The following UGT1A6 variants were observed in gnomAD, a reference collection of about 807,000 sequenced individuals.
The protein encoded by UGT1A6 is UDP glucuronosyltransferase family 1 member A6.
In UGT1A6, 32 loss-of-function variants were observed where a neutral mutation model predicts 44.4. That is an observed-to-expected ratio of 0.72 (90% CI 0.54 to 0.97). The LOEUF is 0.97. UGT1A6 is among the 50% of genes least tolerant of loss of function. The probability of loss-of-function intolerance (pLI) is 0.00; values close to 1 mark genes in which losing one functional copy is unlikely to be tolerated. For missense variants in UGT1A6, 685 were observed against 661.9 expected (o/e 1.03, Z -0.38); for synonymous variants, 238 against 248.5 (o/e 0.96, Z 0.40).
intron 1 of UGT1A6, among the ~76,000 whole-genome samples, chr2:233,695,529 T>C (rs774353867): frequency 6.6e-6 from 1 of 152,094 alleles, no homozygotes; most frequent in Non-Finnish European, 1.5e-5. Context: ...ATTTCTTTTT[T>C]CTTTTTCTTT....
Position 233,768,423 on chromosome 2 carries a change from G to C in UGT1A6, c.1285G>C (p.Val429Leu). ...SEDLENALKAVINDKSYKENI... is the reference protein window; with the variant it reads ...SEDLENALKALINDKSYKENI... ...AGATTTAGAAAATGCTCTAAAAGCAGTCATCAATGACAAAAGGTAAGAAAG... is the reference window on the plus strand; with the variant it reads ...AGATTTAGAAAATGCTCTAAAAGCACTCATCAATGACAAAAGGTAAGAAAG... The change falls in exon 4 of 5, where the codon GTC becomes CTC. Residue 429 changes from valine to leucine, a missense_variant. By Grantham distance (32) the Val-to-Leu change is conservative. Coordinates refer to ENST00000305139, the MANE Select transcript of UGT1A6 (RefSeq NM_001072.4). 6.2e-7 allele frequency: 1 copy of C among 1,614,098 alleles called. No individual in the cohort carries two copies. Among genetic ancestry groups the C allele is most frequent in the South Asian group, 1.1e-5 (1 of 91,060 alleles).
chr2:233,712,902 G>C (rs1351189678), intron 1 of UGT1A6: 2 of 1,609,384 alleles, frequency 1.2e-6, no homozygotes, highest in East Asian at 2.2e-5. Context: ...TTTGCTAGGT[G>C]TCTCAGTGAC....
intron 2 of UGT1A6, 34 bp downstream of exon 2, chr2:233,767,199 T>C (rs2126030914): frequency 1.9e-6 from 3 of 1,613,616 alleles, no homozygotes; most frequent in East Asian, 4.5e-5. Flanking sequence ...CTCATATCTA[T>C]TTTCACAGGA....
chr2:233,716,312 G>A (rs1303311282), intron 1 of UGT1A6, among the ~76,000 whole-genome samples: 1 of 152,118 alleles, frequency 6.6e-6, no homozygotes, highest in African/African-American at 2.4e-5. Flanking sequence ...TCTTCCACCT[G>A]TAATGGAATA....
intron 1 of UGT1A6, among the ~76,000 whole-genome samples, chr2:233,765,526 T>G (rs1002018733): frequency 1.3e-5 from 2 of 151,960 alleles, no homozygotes; most frequent in East Asian, 3.9e-4. Flanking sequence ...AAACACCGCA[T>G]GTTCTCACTC....
intron 1 of UGT1A6, chr2:233,718,892 C>T (rs775726544): frequency 6.2e-7 from 1 of 1,614,020 alleles, no homozygotes; most frequent in South Asian, 1.1e-5. Flanking sequence ...GTGTCCAGCC[C>T]TGGGCTGAGA....
rs559233241 is a variant in UGT1A6 at position 233,729,998 on chromosome 2, G to A, written c.861+36133G>A. 3 of 1,613,920 alleles carry A rather than the reference G, an allele frequency of 1.9e-6. No individual in the cohort carries two copies. In the East Asian group the frequency reaches 6.7e-5, roughly 36 times the overall value. On this transcript the variant is annotated intron_variant, in intron 1 of 4. Coordinates refer to ENST00000305139, the MANE Select transcript of UGT1A6 (RefSeq NM_001072.4). Reference sequence around the variant, plus strand: ...AACAGGAAGCCACTATCTCAGGTCTGTATTGGTGCCTTCATCCAATCAATG... The same window carrying A: ...AACAGGAAGCCACTATCTCAGGTCTATATTGGTGCCTTCATCCAATCAATG...
At chr2:233,747,339 C>CA (rs1401880990) in intron 1 of UGT1A6, 116 of 1,603,228 alleles carry the variant, frequency 7.2e-5, no homozygotes, top group South Asian at 2.9e-4. Context: ...GCCACTGGCT[C>CA]GCATGCGGGA....
chr2:233,713,651 G>A (rs1051554487), intron 1 of UGT1A6: 2 of 1,613,832 alleles, frequency 1.2e-6, no homozygotes, highest in African/African-American at 1.3e-5. Flanking sequence ...CTCTGGCCCT[G>A]TCCTACCTTT....
At chr2:233,746,276 T>A (rs1693346507) in intron 1 of UGT1A6, among the ~76,000 whole-genome samples, 1 of 151,642 alleles carries the variant, frequency 6.6e-6, no homozygotes, top group African/African-American at 2.4e-5. Flanking sequence ...GCTGTGGGGA[T>A]TCAAGGAAGG....
At chr2:233,715,775 A>G (rs2076469158) in intron 1 of UGT1A6, among the ~76,000 whole-genome samples, 1 of 152,186 alleles carries the variant, frequency 6.6e-6, no homozygotes, top group South Asian at 2.1e-4. Flanking sequence ...CCATCTCAAA[A>G]AAATAAAAAT....
chr2:233,739,091 C>T (rs1027086038), intron 1 of UGT1A6: 13 of 152,212 alleles, frequency 8.5e-5, no homozygotes, highest in Admixed American at 1.3e-4. Flanking sequence ...TTGGCAGCAT[C>T]GATGTGGTGT....
At chr2:233,735,004 G>A (rs1486345884) in intron 1 of UGT1A6, among the ~76,000 whole-genome samples, 1 of 152,208 alleles carries the variant, frequency 6.6e-6, no homozygotes, top group Non-Finnish European at 1.5e-5. Flanking sequence ...ACTTAGGGTG[G>A]AGAGTTCTGT....
chr2:233,711,464 C>G (rs2076182225), intron 1 of UGT1A6, among the ~76,000 whole-genome samples: 1 of 152,182 alleles, frequency 6.6e-6, no homozygotes, highest in South Asian at 2.1e-4. Context: ...AGGAATAGTT[C>G]AGAGGCTGAG....
At chr2:233,752,428 G>C (rs538581016) in intron 1 of UGT1A6, 1 of 152,028 alleles carries the variant, frequency 6.6e-6, no homozygotes, top group African/African-American at 2.4e-5. Context: ...CTGATTTATC[G>C]AACCCTTTTA....
intron 1 of UGT1A6, among the ~76,000 whole-genome samples, chr2:233,738,676 G>T (rs1690872856): frequency 6.6e-6 from 1 of 152,190 alleles, no homozygotes; most frequent in African/African-American, 2.4e-5. Flanking sequence ...GAGATGATCT[G>T]AAATTGGAAC....
chr2:233,712,925 A>G (rs1228772732), intron 1 of UGT1A6: 1 of 1,611,920 alleles, frequency 6.2e-7, no homozygotes, highest in African/African-American at 1.3e-5. Flanking sequence ...GGTAATTAAG[A>G]CGAAGGAAAC....
chr2:233,705,634 G>A (rs1392542286), intron 1 of UGT1A6, among the ~76,000 whole-genome samples: 1 of 152,192 alleles, frequency 6.6e-6, no homozygotes, highest in Non-Finnish European at 1.5e-5. Context: ...GACAGTTCTA[G>A]GAAGTTGAAG....
chr2:233,692,438 A>G (rs1311287239), upstream of UGT1A6: 1 of 155,598 alleles, frequency 6.4e-6, no homozygotes, highest in Non-Finnish European at 1.4e-5. Flanking sequence ...AGTTGTGGGT[A>G]ACCTGGGGAC....
Sources: gnomAD v4.1 joint callset for allele counts (sites outside exome capture counted in the v4.1 genomes callset) on GRCh38, gnomAD v4.1.1 for gene constraint, MANE v1.5 for transcripts, NCBI Gene and HGNC (gene_info 2026-07-23, HGNC 2026-07-21) for gene names.